ZNF37A: variants seen among roughly 807,000 people sequenced by gnomAD.
ZNF37A encodes zinc finger protein 37a (KOX 21).
A neutral mutation model predicts 12.3 loss-of-function variants in ZNF37A; 10 were observed. The observed-to-expected ratio is 0.82, with a 90% CI of 0.50 to 1.38. The LOEUF (loss-of-function observed/expected upper bound fraction) is 1.38. Among genes scored for constraint, ZNF37A ranks in the 40% most tolerant of loss-of-function variants. The pLI is 0.00. For synonymous variants in ZNF37A, 207 were observed against 223.0 expected, an observed-to-expected ratio of 0.93 and a Z score of 0.64; for missense variants, 580 against 651.2, an observed-to-expected ratio of 0.89 and a Z score of 1.19.
intron 7 of ZNF37A, chr10:38,141,276 T>C (rs1344221644): frequency 1.3e-5 from 2 of 152,134 alleles, no homozygotes; most frequent in Non-Finnish European, 2.9e-5. Context: ...AAGGGAAAAA[T>C]AACCTCGCAG....
chr10:38,096,360 T>C (rs1459224696), intron 4 of ZNF37A, among the ~76,000 whole-genome samples: 2 of 152,210 alleles, frequency 1.3e-5, no homozygotes, highest in Admixed American at 1.3e-4. Context: ...ATATATCGGT[T>C]TGCATACTCT....
chr10:38,096,593 T>G lies in ZNF37A; in HGVS notation c.-25T>G. On this transcript the variant is annotated 5_prime_UTR_variant, in exon 5 of 8. Transcript: ENST00000685332. ...TCTCAGCTACACCCTCACAGTTTGCTCTGCTCTTCCAACACCAGTGGAAGA... is the reference window on the plus strand; with the variant it reads ...TCTCAGCTACACCCTCACAGTTTGCGCTGCTCTTCCAACACCAGTGGAAGA... 6.2e-7 allele frequency: 1 copy of G among 1,611,464 alleles called. No individual in the cohort carries two copies. Among genetic ancestry groups the G allele is most frequent in the Non-Finnish European group, 8.5e-7 (1 of 1,179,056 alleles).
intron 7 of ZNF37A, chr10:38,138,265 A>G (rs1047769768): frequency 1.3e-5 from 2 of 152,224 alleles, no homozygotes; most frequent in Admixed American, 1.3e-4. Context: ...TAAAGCAATG[A>G]GTGCCTTCTG....
downstream of ZNF37A, among the ~76,000 whole-genome samples, chr10:38,128,572 C>T (rs2069961860): frequency 6.6e-6 from 1 of 152,084 alleles, no homozygotes; most frequent in South Asian, 2.1e-4. Flanking sequence ...GGATCAGGAA[C>T]TAAAATTTAA....
chr10:38,124,373 A>G lies in ZNF37A; in HGVS notation c.*5536A>G, dbSNP rs2069880074. The G allele has an allele frequency of 6.6e-6, 1 of 152,184 alleles. No homozygotes were observed. The allele number at this position is 152,184 out of a possible 1,614,324, so 9.4% of individuals were successfully genotyped here. A position where few individuals can be genotyped will look rare whatever the true frequency, so the allele number is the denominator to read the frequency against. ...AAGTGGGGAATGTTAACGGGCACAA[A>G]ATGTAGAATGACTAAGACCTAGTAT... is the stretch of plus-strand genomic sequence containing the variant. On this transcript the variant is annotated 3_prime_UTR_variant, in exon 8 of 8. Transcript: ENST00000685332.
At chr10:38,144,083 T>C (rs1325475990) in intron 7 of ZNF37A, 1 of 152,250 alleles carries the variant, frequency 6.6e-6, no homozygotes, top group Non-Finnish European at 1.5e-5. Flanking sequence ...GTGTCTTTTA[T>C]TGCAATTAAG....
Position 38,122,593 on chromosome 10 carries a change from T to G in ZNF37A, c.*3756T>G, listed in dbSNP as rs1479991191. 1 of 152,160 alleles carries G rather than the reference T, an allele frequency of 6.6e-6. No homozygotes were observed. The highest frequency in any genetic ancestry group is 2.4e-5 in the African/African-American group (1 of 41,428). The allele number at this position is 152,160 out of a possible 1,614,324, so 9.4% of individuals were successfully genotyped here. On this transcript the variant is annotated 3_prime_UTR_variant, in exon 8 of 8. Transcript: ENST00000685332. ...ATACACTGGGGAAAAGATAATGTCT[T>G]TAATAAATGGTGCTGGGAAAACTGG... is the stretch of plus-strand genomic sequence containing the variant.
At chr10:38,113,532 C>T (rs1286349840) in intron 5 of ZNF37A, among the ~76,000 whole-genome samples, 3 of 152,134 alleles carry the variant, frequency 2.0e-5, no homozygotes, top group African/African-American at 7.2e-5. Flanking sequence ...CCAAGAGCAG[C>T]ATGGCCTGCA....
chr10:38,144,610 G>A (rs1477556866), intron 7 of ZNF37A, among the ~76,000 whole-genome samples: 2 of 152,154 alleles, frequency 1.3e-5, no homozygotes, highest in Non-Finnish European at 2.9e-5. Context: ...GAATACACAT[G>A]GCTTGAGTGT....
At chr10:38,112,347 G>A (rs1390333678) in intron 5 of ZNF37A, among the ~76,000 whole-genome samples, 1 of 151,994 alleles carries the variant, frequency 6.6e-6, no homozygotes, top group Non-Finnish European at 1.5e-5. Flanking sequence ...TCCTAGGTAT[G>A]TGCTTGGCTT....
chr10:38,108,627 T>C (rs1159411461), intron 5 of ZNF37A, among the ~76,000 whole-genome samples: 1 of 151,780 alleles, frequency 6.6e-6, no homozygotes, highest in Admixed American at 6.6e-5. Context: ...ATAAAATAGA[T>C]GCAATAAAAA....
chr10:38,096,955 C>T (rs1427487033), intron 5 of ZNF37A, among the ~76,000 whole-genome samples: 1 of 152,162 alleles, frequency 6.6e-6, no homozygotes, highest in Non-Finnish European at 1.5e-5. Flanking sequence ...ACTATGAGGG[C>T]AGAGTTGACT....
chr10:38,146,714 A>G (rs2505236), intron 7 of ZNF37A: 190,676 of 398,018 alleles, frequency 0.48, 46,235 homozygotes, highest in Admixed American at 0.54. Flanking sequence ...ACAGAGGGTC[A>G]ACTTTTCCTA....
intron 7 of ZNF37A, among the ~76,000 whole-genome samples, chr10:38,134,453 G>T (rs2070077442): frequency 6.6e-6 from 1 of 152,172 alleles, no homozygotes; most frequent in African/African-American, 2.4e-5. Flanking sequence ...TGATGATGGT[G>T]ACATACAGAT....
At chr10:38,115,553 A>T (rs2069203626) in intron 7 of ZNF37A, 3 of 301,912 alleles carry the variant, frequency 9.9e-6, no homozygotes, top group Admixed American at 9.4e-5. Flanking sequence ...ATAAAATTTT[A>T]TATATATATG....
intron 5 of ZNF37A, among the ~76,000 whole-genome samples, chr10:38,111,678 A>T (rs1174774327): frequency 6.6e-6 from 1 of 152,190 alleles, no homozygotes; most frequent in Non-Finnish European, 1.5e-5. Context: ...GTATAATCTT[A>T]TAGCAGTTCC....
intron 5 of ZNF37A, among the ~76,000 whole-genome samples, chr10:38,102,026 G>A (rs186361427): frequency 1.7e-3 from 261 of 151,704 alleles, no homozygotes; most frequent in Middle Eastern, 3.4e-3. Flanking sequence ...TAGTAGAGAC[G>A]GGGTTTCACG....
chr10:38,099,703 TACA>T (rs1328303637), intron 5 of ZNF37A, among the ~76,000 whole-genome samples: 6 of 152,354 alleles, frequency 3.9e-5, no homozygotes, highest in Admixed American at 3.9e-4. Context: ...ACCTGTTTTC[TACA>T]GAAGGTACAC....
At chr10:38,103,849 C>CCAAAA (rs1198957729) in intron 5 of ZNF37A, among the ~76,000 whole-genome samples, 1 of 152,144 alleles carries the variant, frequency 6.6e-6, no homozygotes, top group Non-Finnish European at 1.5e-5. Context: ...ATGCCTAGAG[C>CCAAAA]CAAAACAAAA....
Sources: allele counts gnomAD v4.1 joint callset (sites outside exome capture counted in the v4.1 genomes callset), GRCh38; gene constraint gnomAD v4.1.1; transcripts MANE v1.5; gene names NCBI Gene and HGNC (gene_info 2026-07-23, HGNC 2026-07-21).